Variants in C10orf90 observed in about 807,000 individuals in gnomAD.
C10orf90 encodes the protein chromosome 10 open reading frame 90.
A neutral mutation model predicts 62.5 loss-of-function variants in C10orf90; 56 were observed. The ratio of observed to expected loss-of-function variants is 0.90; its 90% CI spans 0.72 to 1.12. C10orf90 has a LOEUF of 1.12. Among genes scored for constraint, C10orf90 ranks in the 50% most tolerant of loss-of-function variants. C10orf90 has a pLI of 0.00. For missense variants in C10orf90, 970 were observed against 880.4 expected (o/e 1.10, Z -1.29); for synonymous variants, 386 against 340.4 (o/e 1.13, Z -1.47).
chr10:126,661,670 CT>C (rs56106518), intron 1 of C10orf90, among the ~76,000 whole-genome samples: 26,907 of 144,608 alleles, frequency 0.19, 2,395 homozygotes, highest in South Asian at 0.24. Flanking sequence ...CTCTCTCTCT[CT>C]TTTTTTTTTT....
At chr10:126,448,581 T>C (rs1256771328) in intron 7 of C10orf90, among the ~76,000 whole-genome samples, 1 of 151,862 alleles carries the variant, frequency 6.6e-6, no homozygotes, top group Non-Finnish European at 1.5e-5. Context: ...AGACAAGTAA[T>C]AGAAAAGATC....
chr10:126,587,359 C>T (rs1202725583), intron 2 of C10orf90, among the ~76,000 whole-genome samples: 1 of 152,184 alleles, frequency 6.6e-6, no homozygotes, highest in Non-Finnish European at 1.5e-5. Flanking sequence ...TTATTTCTTA[C>T]AGTTCTGGAA....
At chr10:126,571,166 T>C (rs1228720845) in intron 2 of C10orf90, among the ~76,000 whole-genome samples, 6 of 152,238 alleles carry the variant, frequency 3.9e-5, no homozygotes, top group Non-Finnish European at 7.3e-5. Context: ...GTGAGAGCAA[T>C]GCACCCAGCT....
At position 126,453,907 on chromosome 10, in the gene C10orf90, C is replaced by T. The variant is rs1859364107; in HGVS notation, c.2188+5133G>A. On this transcript the variant is annotated intron_variant, in intron 7 of 9. Coordinates refer to ENST00000488181, the MANE Select transcript of C10orf90 (RefSeq NM_001350921.2). The surrounding 1 kb of genome is among the most constrained non-coding windows in gnomAD (Gnocchi z 4.9). ...GAGTGTTTTTGGAGTGAAGGAAGGA[C>T]AGGAAATGAGACCAACTGGAAAGGT... Among the ~76,000 whole-genome samples the T allele has an allele frequency of 6.6e-6, 1 of 152,072 alleles. No homozygotes were observed. The highest frequency in any genetic ancestry group is 1.5e-5 in the Non-Finnish European group (1 of 68,018).
intron 4 of C10orf90, chr10:126,502,696 AC>A (rs1862474323): frequency 2.5e-5 from 11 of 448,774 alleles, no homozygotes; most frequent in Non-Finnish European, 4.0e-5. Flanking sequence ...GTAACATACA[AC>A]AATGCAGTGG....
At chr10:126,656,847 T>C (rs1310827027) in intron 1 of C10orf90, among the ~76,000 whole-genome samples, 5 of 152,258 alleles carry the variant, frequency 3.3e-5, no homozygotes, top group African/African-American at 1.2e-4. Flanking sequence ...GTAAGTTATA[T>C]CTTAATAAGG....
chr10:126,585,561 A>G (rs1416614309), intron 2 of C10orf90, among the ~76,000 whole-genome samples: 1 of 151,984 alleles, frequency 6.6e-6, no homozygotes, highest in African/African-American at 2.4e-5. Context: ...GTGGGAGAGC[A>G]GGAGAAAGAG....
chr10:126,541,936 CA>C (rs1452731308), intron 2 of C10orf90, among the ~76,000 whole-genome samples: 1 of 152,158 alleles, frequency 6.6e-6, no homozygotes, highest in Non-Finnish European at 1.5e-5. Context: ...TGTCCATCAA[CA>C]AATGAATGGA....
At chr10:126,649,822 C>G (rs1176269033) in intron 1 of C10orf90, among the ~76,000 whole-genome samples, 3 of 152,172 alleles carry the variant, frequency 2.0e-5, no homozygotes, top group African/African-American at 7.2e-5. Flanking sequence ...CCAGAGGTTG[C>G]TGGGAGCAGG....
chr10:126,550,090 G>C (rs1864598387), intron 2 of C10orf90, among the ~76,000 whole-genome samples: 1 of 151,820 alleles, frequency 6.6e-6, no homozygotes, highest in African/African-American at 2.4e-5. Flanking sequence ...TGAGTAGCTG[G>C]GATTACAGGC....
At chr10:126,654,846 G>T (rs183283469) in intron 1 of C10orf90, among the ~76,000 whole-genome samples, 1 of 152,108 alleles carries the variant, frequency 6.6e-6, no homozygotes. Context: ...CCACTTGAGC[G>T]TTCACTTGAA....
At chr10:126,640,144 C>T (rs1846031198) in intron 2 of C10orf90, among the ~76,000 whole-genome samples, 1 of 152,214 alleles carries the variant, frequency 6.6e-6, no homozygotes, top group Admixed American at 6.5e-5. Flanking sequence ...AAAAGCAATG[C>T]TGCCTTTTTC....
intron 2 of C10orf90, among the ~76,000 whole-genome samples, chr10:126,616,697 C>A (rs972199048): frequency 4.4e-4 from 67 of 152,184 alleles, no homozygotes; most frequent in African/African-American, 1.5e-3. Context: ...CTGGTCTATA[C>A]AATCCATCTC....
At chr10:126,529,867 A>G (rs1257034713) in intron 2 of C10orf90, among the ~76,000 whole-genome samples, 1 of 152,192 alleles carries the variant, frequency 6.6e-6, no homozygotes, top group African/African-American at 2.4e-5. Context: ...TTCCATCAAA[A>G]TCTAATACTG....
intron 2 of C10orf90, among the ~76,000 whole-genome samples, chr10:126,644,770 G>A (rs1231452326): frequency 1.3e-5 from 2 of 152,188 alleles, no homozygotes; most frequent in Non-Finnish European, 2.9e-5. Flanking sequence ...ACCAGGCCTC[G>A]TTGTTCTCAC....
intron 2 of C10orf90, among the ~76,000 whole-genome samples, chr10:126,525,806 C>G (rs1318252831): frequency 8.0e-6 from 1 of 125,644 alleles, no homozygotes; most frequent in East Asian, 1.9e-4. Flanking sequence ...CAAGGTTGTT[C>G]TTCTCCCTGG....
At chr10:126,532,988 A>T (rs1864144641) in intron 2 of C10orf90, among the ~76,000 whole-genome samples, 1 of 150,680 alleles carries the variant, frequency 6.6e-6, no homozygotes, top group Non-Finnish European at 1.5e-5. Flanking sequence ...GCTGGAGTGC[A>T]GTGGCGCTAT....
chr10:126,598,708 A>T (rs916742405), intron 2 of C10orf90, among the ~76,000 whole-genome samples: 1 of 152,194 alleles, frequency 6.6e-6, no homozygotes, highest in Non-Finnish European at 1.5e-5. Flanking sequence ...GGGTAAGCTT[A>T]TTCAGTGGTG....
intron 2 of C10orf90, among the ~76,000 whole-genome samples, chr10:126,620,711 C>T (rs1332695261): frequency 6.6e-6 from 1 of 151,150 alleles, no homozygotes; most frequent in East Asian, 1.9e-4. Flanking sequence ...GTCAACAAAT[C>T]CAGAATCATT....
Sources: gnomAD v4.1 joint callset for allele counts (sites outside exome capture counted in the v4.1 genomes callset) on GRCh38, gnomAD v4.1.1 for gene constraint, Gnocchi (gnomAD v3.1) non-coding constraint, MANE v1.5 for transcripts, NCBI Gene and HGNC (gene_info 2026-07-23, HGNC 2026-07-21) for gene names.